UBE2W: variants seen among roughly 807,000 people sequenced by gnomAD.
UBE2W encodes the protein ubiquitin-conjugating enzyme E2 W.
Under a neutral mutation model 27.2 loss-of-function variants are expected in UBE2W, and 18 were observed. The observed-to-expected ratio is 0.66, with a 90% CI of 0.46 to 0.98. UBE2W has a LOEUF of 0.98. Ranked by LOEUF, UBE2W falls within the 50% of genes least tolerant of loss-of-function variation. The pLI is 0.00. For synonymous variants in UBE2W, 53 were observed against 57.2 expected (o/e 0.93, Z 0.33); for missense variants, 90 against 180.2 (o/e 0.50, Z 2.87).
chr8:73,844,832 C>T (rs550534586), intron 1 of UBE2W, among the ~76,000 whole-genome samples: 18 of 149,990 alleles, frequency 1.2e-4, no homozygotes, highest in South Asian at 4.2e-4. Context: ...GTCTCTGCAC[C>T]GCCGCCACCC....
At chr8:73,807,291 T>A (rs1808950161) in intron 4 of UBE2W, among the ~76,000 whole-genome samples, 1 of 152,214 alleles carries the variant, frequency 6.6e-6, no homozygotes, top group Non-Finnish European at 1.5e-5. Flanking sequence ...ATTAAGGGAA[T>A]CCTCTCCTCT....
intron 5 of UBE2W, among the ~76,000 whole-genome samples, chr8:73,794,338 G>T (rs566884541): frequency 2.6e-5 from 4 of 152,114 alleles, no homozygotes; most frequent in Non-Finnish European, 5.9e-5. Flanking sequence ...ACCTTAAAAT[G>T]ATATGTTATT....
At chr8:73,809,543 C>A (rs1311016158) in intron 4 of UBE2W, among the ~76,000 whole-genome samples, 1 of 152,102 alleles carries the variant, frequency 6.6e-6, no homozygotes, top group Non-Finnish European at 1.5e-5. Context: ...GATTCAGATA[C>A]ATTTAAAGGG....
rs56309844 is a variant in UBE2W at position 73,793,303 on chromosome 8, T to C, written c.*799A>G. The C allele has an allele frequency of 1.0e-5, 10 of 985,842 alleles. No individual in the cohort carries two copies. The East Asian group carries it at 9.1e-4, about 90-fold the overall frequency. 61.1% of individuals were successfully genotyped at this position (985,842 alleles called of 1,614,324 possible). On this transcript the variant is annotated 3_prime_UTR_variant, in exon 6 of 6. Coordinates refer to ENST00000602593, the MANE Select transcript of UBE2W (RefSeq NM_018299.6). ...TGCAGCAATTTAATCATCACTGCCA[T>C]TTTTCTTACTTCCAAAATAAAGCCT...
chr8:73,858,662 A>AG (rs1193087154), intron 1 of UBE2W, among the ~76,000 whole-genome samples: 2 of 140,788 alleles, frequency 1.4e-5, no homozygotes, highest in African/African-American at 5.5e-5. Flanking sequence ...CCAAAAAAAA[A>AG]GTCAATGTTA....
At chr8:73,872,132 G>C (rs1812030901) in intron 1 of UBE2W, among the ~76,000 whole-genome samples, 1 of 152,208 alleles carries the variant, frequency 6.6e-6, no homozygotes. Context: ...TTGAAGGCCA[G>C]GCGCGGTGGC....
intron 5 of UBE2W, among the ~76,000 whole-genome samples, chr8:73,800,101 GAT>G (rs1414387593): frequency 6.6e-6 from 1 of 152,060 alleles, no homozygotes; most frequent in Non-Finnish European, 1.5e-5. Context: ...CTGCTATTCT[GAT>G]ATATATAAAG....
At chr8:73,796,565 CA>C in intron 5 of UBE2W, 4 of 835,642 alleles carry the variant, frequency 4.8e-6, no homozygotes, top group Non-Finnish European at 5.8e-6. Flanking sequence ...AGCTACTTTC[CA>C]GATCCCAATC....
intron 5 of UBE2W, among the ~76,000 whole-genome samples, chr8:73,799,409 G>T (rs1012343292): frequency 5.3e-5 from 8 of 152,146 alleles, no homozygotes; most frequent in Non-Finnish European, 8.8e-5. Context: ...TAACCCCTGA[G>T]CTATGGAGCC....
At chr8:73,803,769 C>CT (rs534146460) in intron 5 of UBE2W, among the ~76,000 whole-genome samples, 1,297 of 128,310 alleles carry the variant, frequency 0.01, 8 homozygotes, top group African/African-American at 0.026. Flanking sequence ...TTTTTCTTTT[C>CT]TTTTTTTTTT....
rs769936492 is a variant in UBE2W, at chr8:73,792,401, C to G, written c.*1701G>C. 225 of 985,218 alleles carry G rather than the reference C, an allele frequency of 2.3e-4. 1 individual carries two copies. Among genetic ancestry groups the G allele is most frequent in the Non-Finnish European group, 2.6e-4 (216 of 829,726 alleles). The allele number at this position is 985,218 out of a possible 1,614,324, so 61.0% of individuals were successfully genotyped here. ...CAGACATATTTTTGAAGTCTACCCA[C>G]CCCTGAGTTCAGCAATTATACTTTG... On this transcript the variant is annotated 3_prime_UTR_variant, in exon 6 of 6. Coordinates refer to ENST00000602593, the MANE Select transcript of UBE2W (RefSeq NM_018299.6).
At chr8:73,876,274 A>C (rs983895968) in intron 1 of UBE2W, among the ~76,000 whole-genome samples, 2 of 152,096 alleles carry the variant, frequency 1.3e-5, no homozygotes, top group African/African-American at 2.4e-5. Flanking sequence ...TTGAAGATTT[A>C]TGTATAATCT....
At chr8:73,806,730 C>G (rs1808925491) in intron 4 of UBE2W, among the ~76,000 whole-genome samples, 1 of 151,830 alleles carries the variant, frequency 6.6e-6, no homozygotes, top group Non-Finnish European at 1.5e-5. Flanking sequence ...ACAGAAAAGT[C>G]TACTAAACTA....
intron 1 of UBE2W, among the ~76,000 whole-genome samples, chr8:73,842,949 T>G (rs527491660): frequency 4.7e-4 from 71 of 152,280 alleles, no homozygotes; most frequent in South Asian, 6.2e-4. Flanking sequence ...AACTGAAGAA[T>G]GAACAAAATG....
At chr8:73,842,671 G>A (rs1440475798) in intron 1 of UBE2W, among the ~76,000 whole-genome samples, 2 of 151,602 alleles carry the variant, frequency 1.3e-5, no homozygotes, top group African/African-American at 4.8e-5. Flanking sequence ...TAAAAGAGGT[G>A]TAATTACACA....
intron 1 of UBE2W, among the ~76,000 whole-genome samples, chr8:73,874,080 A>G (rs1010885833): frequency 6.6e-6 from 1 of 152,244 alleles, no homozygotes; most frequent in African/African-American, 2.4e-5. Context: ...AATTATATCC[A>G]GGAGGTCAAG....
chr8:73,790,916 G>T lies in UBE2W; in HGVS notation c.*3186C>A. ...TTATTATCCACCACAGGAATCTAAT[G>T]ATATATATATTTGCATATATTTAAA... On this transcript the variant is annotated 3_prime_UTR_variant, in exon 6 of 6. Coordinates refer to ENST00000602593, the MANE Select transcript of UBE2W (RefSeq NM_018299.6). 1.0e-6 allele frequency: 1 copy of T among 981,468 alleles called. No individual in the cohort carries two copies. Among genetic ancestry groups the T allele is most frequent in the Non-Finnish European group, 1.2e-6 (1 of 826,480 alleles). 60.8% of individuals were successfully genotyped at this position (981,468 alleles called of 1,614,324 possible).
intron 5 of UBE2W, among the ~76,000 whole-genome samples, chr8:73,798,240 T>C (rs1197660919): frequency 6.6e-6 from 1 of 152,194 alleles, no homozygotes; most frequent in Non-Finnish European, 1.5e-5. Flanking sequence ...GAGGCTGCAA[T>C]GAGCCATGAT....
At chr8:73,815,383 A>C (rs1809343573) in intron 3 of UBE2W, among the ~76,000 whole-genome samples, 1 of 152,170 alleles carries the variant, frequency 6.6e-6, no homozygotes, top group South Asian at 2.1e-4. Context: ...TGGAAAAAAA[A>C]CAAAAAACAA....
Sources: allele counts gnomAD v4.1 joint callset (sites outside exome capture counted in the v4.1 genomes callset), GRCh38; gene constraint gnomAD v4.1.1; transcripts MANE v1.5; gene names NCBI Gene and HGNC (gene_info 2026-07-23, HGNC 2026-07-21).